The following KIAA0930 variants were observed in gnomAD, a reference collection of about 807,000 sequenced individuals.
KIAA0930 encodes the protein KIAA0930.
KIAA0930 carries 24 observed loss-of-function variants against 43.9 expected under a neutral mutation model. The observed-to-expected ratio is 0.55, with a 90% CI of 0.40 to 0.77. The LOEUF (loss-of-function observed/expected upper bound fraction) is 0.77. Among genes scored for constraint, KIAA0930 ranks in the 30% least tolerant of loss-of-function variants. KIAA0930 has a pLI of 0.00. For synonymous variants in KIAA0930, 259 were observed against 216.4 expected (o/e 1.20, Z -1.73); for missense variants, 461 against 574.2 (o/e 0.80, Z 2.02).
Position 45,196,813 on chromosome 22 carries a change from G to T in KIAA0930, c.*363C>A, listed in dbSNP as rs895984765. The T allele has an allele frequency of 4.0e-6, 1 of 246,980 alleles. No homozygotes were observed. Among genetic ancestry groups the T allele is most frequent in the Admixed American group, 5.7e-5 (1 of 17,632 alleles). The allele number at this position is 246,980 out of a possible 1,614,324, so 15.3% of individuals were successfully genotyped here. A position where few individuals can be genotyped will look rare whatever the true frequency, so the allele number is the denominator to read the frequency against. On this transcript the variant is annotated 3_prime_UTR_variant, in exon 10 of 10. Coordinates refer to ENST00000336156, the MANE Select transcript of KIAA0930 (RefSeq NM_001009880.2). This position sits in a 1 kb window ranked among gnomAD's most constrained non-coding sequence, Gnocchi z 4.1. ...TGGGTGGTTCCGCCTGCTGCTGGGG[G>T]GACGTGAACATAGACCCGCCGCTCT...
At chr22:45,204,675 A>G (rs948153985) in intron 5 of KIAA0930, among the ~76,000 whole-genome samples, 1 of 151,750 alleles carries the variant, frequency 6.6e-6, no homozygotes, top group African/African-American at 2.4e-5. Context: ...ACAAATGGGC[A>G]GAGCAGGGAG....
Position 45,205,268 on chromosome 22 carries a change from C to A in KIAA0930, c.465G>T (p.Glu155Asp). Residue 155 changes from glutamate (E) to aspartate (D), a missense_variant, in exon 5 of 10, where the codon GAG becomes GAT. Coordinates refer to ENST00000336156, the MANE Select transcript of KIAA0930 (RefSeq NM_001009880.2). Reference protein sequence around the residue: ...SKHPMDSKGEESKISYPNIFF... With the variant: ...SKHPMDSKGEDSKISYPNIFF... ...AGATGTTGGGGTAGCTGATCTTGGA[C>A]TCCTCCCCCTTGCTGTCCATGGGGT... The A allele has an allele frequency of 6.2e-7, 1 of 1,614,198 alleles. No homozygotes were observed. Among genetic ancestry groups the A allele is most frequent in the Non-Finnish European group, 8.5e-7 (1 of 1,180,018 alleles).
At chr22:45,213,130 C>T (rs547441542) in intron 1 of KIAA0930, among the ~76,000 whole-genome samples, 17 of 152,326 alleles carry the variant, frequency 1.1e-4, no homozygotes, top group African/African-American at 3.8e-4. Context: ...CTCGCGCTCA[C>T]AGGCAGGCCA....
intron 1 of KIAA0930, among the ~76,000 whole-genome samples, chr22:45,229,325 A>C (rs1211759115): frequency 9.6e-6 from 1 of 104,186 alleles, no homozygotes; most frequent in African/African-American, 3.8e-5. Context: ...CCACATCCCC[A>C]CCACCACTCA....
At chr22:45,211,894 G>T in intron 2 of KIAA0930, 62 bp downstream of exon 2, 1 of 1,541,932 alleles carries the variant, frequency 6.5e-7, no homozygotes, top group South Asian at 1.1e-5. Flanking sequence ...TGTACACCGA[G>T]AGCAGACACC....
rs561402035 is a variant in KIAA0930 at position 45,230,878 on chromosome 22, C to A, written c.64+9762G>T. The stretch of plus-strand genomic sequence containing the variant: ...TACAGGCGTGAGCCACGTCGCCCAG[C>A]CCAGATCACACTTCTTTATCCAGTC... On this transcript the variant is annotated intron_variant, in intron 1 of 9. Coordinates refer to ENST00000336156, the MANE Select transcript of KIAA0930 (RefSeq NM_001009880.2). 5.3e-5 allele frequency among the ~76,000 whole-genome samples: 8 copies of A among 152,150 alleles called. No individual in the cohort carries two copies. In the East Asian group the frequency reaches 1.4e-3, roughly 26 times the overall value.
At chr22:45,218,453 G>A (rs1287164725) in intron 1 of KIAA0930, among the ~76,000 whole-genome samples, 1 of 149,274 alleles carries the variant, frequency 6.7e-6, no homozygotes, top group Non-Finnish European at 1.5e-5. Context: ...CAAAGTGCTG[G>A]GATTACAGGT....
In KIAA0930 at chr22:45,227,644, CCAATA is replaced by C. The variant is rs762192235; in HGVS notation, c.64+12991_64+12995del. 1.1e-3 allele frequency among the ~76,000 whole-genome samples: 160 copies of C among 152,266 alleles called. 1 individual carries two copies. The highest frequency in any genetic ancestry group is 4.8e-3 in the South Asian group (23 of 4,824). ...GGGCTGTCACTGGAATGAAACGCTG[CCAATA>C]CAATACTGGAGGAAATGAAGTCCCC... On this transcript the variant is annotated intron_variant, in intron 1 of 9. Transcript: ENST00000336156.
rs1356914708 is a variant in KIAA0930 at position 45,193,043 on chromosome 22, A to G, written c.*4133T>C. 1 of 152,184 alleles carries G rather than the reference A, an allele frequency of 6.6e-6. No homozygotes were observed. The highest frequency in any genetic ancestry group is 2.4e-5 in the African/African-American group (1 of 41,430). The allele number at this position is 152,184 out of a possible 1,614,324, so 9.4% of individuals were successfully genotyped here. On this transcript the variant is annotated 3_prime_UTR_variant, in exon 10 of 10. Coordinates refer to ENST00000336156, the MANE Select transcript of KIAA0930 (RefSeq NM_001009880.2). ...TCGAAGGGCAGTGGCTGCCCCCTCC[A>G]GAGGCTGCTTCCATTCAAGCTCAAG... is the stretch of plus-strand genomic sequence containing the variant.
chr22:45,238,897 T>TCTCTCACC (rs2083902131), intron 1 of KIAA0930, among the ~76,000 whole-genome samples: 6 of 151,510 alleles, frequency 4.0e-5, no homozygotes, highest in African/African-American at 1.5e-4. Context: ...TCTCTCTCTC[T>TCTCTCACC]CTCTCACCCT....
At chr22:45,225,664 G>T (rs2083794668) in intron 1 of KIAA0930, among the ~76,000 whole-genome samples, 1 of 152,106 alleles carries the variant, frequency 6.6e-6, no homozygotes, top group Non-Finnish European at 1.5e-5. Context: ...GTGCAGGTCA[G>T]CTCAGGGGCC....
chr22:45,197,982 A>C, intron 8 of KIAA0930, 34 bp from the exon 9 acceptor site: 1 of 1,610,414 alleles, frequency 6.2e-7, no homozygotes, highest in Non-Finnish European at 8.5e-7. Context: ...AGGCCCCCAC[A>C]GCATGGGACG....
chr22:45,239,438 C>A (rs555639519), intron 1 of KIAA0930, among the ~76,000 whole-genome samples: 3 of 152,248 alleles, frequency 2.0e-5, no homozygotes, highest in East Asian at 3.9e-4. Context: ...TTCATAAGCA[C>A]CCCCCACCCC....
chr22:45,202,943 T>G (rs756053877), intron 7 of KIAA0930, 47 bp downstream of exon 7: 5 of 1,497,222 alleles, frequency 3.3e-6, no homozygotes. Context: ...CGGTGGAAAG[T>G]GAACTTGACG....
At chr22:45,236,442 C>T (rs913766033) in intron 1 of KIAA0930, among the ~76,000 whole-genome samples, 4 of 152,128 alleles carry the variant, frequency 2.6e-5, no homozygotes, top group Non-Finnish European at 5.9e-5. Context: ...ACAAGCCCAT[C>T]CAGCCTCAGC....
intron 1 of KIAA0930, among the ~76,000 whole-genome samples, chr22:45,240,012 G>T (rs2083907209): frequency 6.6e-6 from 1 of 151,998 alleles, no homozygotes; most frequent in Non-Finnish European, 1.5e-5. Flanking sequence ...CCCCCCAGCA[G>T]ATCCATGACT....
chr22:45,233,951 G>C (rs377135922), intron 1 of KIAA0930, among the ~76,000 whole-genome samples: 1 of 152,218 alleles, frequency 6.6e-6, no homozygotes, highest in Non-Finnish European at 1.5e-5. Flanking sequence ...GAAGAGCGGG[G>C]CTGGGGCTGC....
At chr22:45,221,173 A>G (rs1283303450) in intron 1 of KIAA0930, among the ~76,000 whole-genome samples, 3 of 152,186 alleles carry the variant, frequency 2.0e-5, no homozygotes, top group Non-Finnish European at 4.4e-5. Context: ...TCCCACTTCC[A>G]GCTTGATTTT....
In KIAA0930 at chr22:45,205,691, G is replaced by C. The variant is rs2083630594; in HGVS notation, c.353C>G (p.Thr118Ser). Residue 118 changes from threonine to serine, a missense_variant, in exon 4 of 10, where the codon ACC (threonine) becomes AGC (serine). Coordinates refer to ENST00000336156, the MANE Select transcript of KIAA0930 (RefSeq NM_001009880.2). ...LILQKLDYMV[T>S]CAVCTRADGG... is the part of the protein sequence containing the mutation. ...GTCAGCACGTGTGCACACCGCACAG[G>C]TCACCATGTAGTCCAGCTGGAAGAG... The C allele has an allele frequency of 6.2e-7, 1 of 1,614,132 alleles. No individual in the cohort carries two copies. Among genetic ancestry groups the C allele is most frequent in the Admixed American group, 1.7e-5 (1 of 60,028 alleles).
Sources: gnomAD v4.1 joint callset for allele counts (sites outside exome capture counted in the v4.1 genomes callset) on GRCh38, gnomAD v4.1.1 for gene constraint, Gnocchi (gnomAD v3.1) non-coding constraint, MANE v1.5 for transcripts, NCBI Gene and HGNC (gene_info 2026-07-23, HGNC 2026-07-21) for gene names.